The following GFOD1 variants were observed in gnomAD, a reference collection of about 807,000 sequenced individuals.
The protein encoded by GFOD1 is Gfo/Idh/MocA-like oxidoreductase domain containing 1.
In GFOD1, 9 loss-of-function variants were observed where a neutral mutation model predicts 25.4. That is an observed-to-expected ratio of 0.35 (90% CI 0.21 to 0.62). The LOEUF is 0.62. Ranked by LOEUF, GFOD1 falls within the 20% of genes least tolerant of loss-of-function variation. The pLI is 0.72. For synonymous variants in GFOD1, 253 were observed against 245.6 expected (o/e 1.03, Z -0.28); for missense variants, 403 against 556.9 (o/e 0.72, Z 2.78).
intron 1 of GFOD1, among the ~76,000 whole-genome samples, chr6:13,439,991 C>T (rs905367059): frequency 6.6e-6 from 1 of 152,134 alleles, no homozygotes; most frequent in Non-Finnish European, 1.5e-5. Context: ...GATTTGAACC[C>T]AGGCCTCTCT....
At chr6:13,445,599 A>T (rs537557523) in intron 1 of GFOD1, among the ~76,000 whole-genome samples, 1 of 152,388 alleles carries the variant, frequency 6.6e-6, no homozygotes, top group East Asian at 1.9e-4. Context: ...TCTTACAGCC[A>T]AAGAACCAGG....
intron 1 of GFOD1, among the ~76,000 whole-genome samples, chr6:13,367,127 A>C (rs1353269360): frequency 6.6e-6 from 1 of 152,066 alleles, no homozygotes; most frequent in Non-Finnish European, 1.5e-5. Flanking sequence ...TTTTTAGTAA[A>C]AGTGTATTAT....
At chr6:13,380,160 A>C (rs942969697) in intron 1 of GFOD1, among the ~76,000 whole-genome samples, 53 of 152,372 alleles carry the variant, frequency 3.5e-4, no homozygotes, top group African/African-American at 1.2e-3. Flanking sequence ...GCGTGGCAGC[A>C]CAGGGGATGG....
In GFOD1 at chr6:13,436,166, T is replaced by C. The variant is rs576693928; in HGVS notation, c.253+50472A>G. Among the ~76,000 whole-genome samples the C allele has an allele frequency of 7.2e-5, 11 of 152,364 alleles. No homozygotes were observed. The East Asian group carries it at 1.9e-3, about 27-fold the overall frequency. On this transcript the variant is annotated intron_variant, in intron 1 of 1. Transcript: ENST00000379287. Reference sequence around the variant, plus strand: ...CTCTTTTGTACCTTTGAATTTTGAATCACATGTGTGTATTACCTGAGCTAA... The same window carrying C: ...CTCTTTTGTACCTTTGAATTTTGAACCACATGTGTGTATTACCTGAGCTAA...
At position 13,364,650 on chromosome 6, in the gene GFOD1, C is replaced by T. The variant is rs930284312; in HGVS notation, c.*93G>A. The stretch of plus-strand genomic sequence containing the variant: ...ACTGTCCCTCCACCTCCCTGATCCC[C>T]ACATTCCCCATGGTCACCCTCTCCC... On this transcript the variant is annotated 3_prime_UTR_variant, in exon 2 of 2. Coordinates refer to ENST00000379287, the MANE Select transcript of GFOD1 (RefSeq NM_018988.4). This position sits in a 1 kb window ranked among gnomAD's most constrained non-coding sequence, Gnocchi z 4.1. 9.2e-6 allele frequency: 10 copies of T among 1,081,514 alleles called. No homozygotes were observed. The highest frequency in any genetic ancestry group is 1.3e-5 in the Non-Finnish European group (10 of 748,614). The allele number at this position is 1,081,514 out of a possible 1,614,324, so 67.0% of individuals were successfully genotyped here.
chr6:13,393,780 CTTTTTTT>C (rs70989854), intron 1 of GFOD1, among the ~76,000 whole-genome samples: 2 of 120,248 alleles, frequency 1.7e-5, no homozygotes, highest in Admixed American at 2.0e-4. Flanking sequence ...TTTTTCTTTT[CTTTTTTT>C]TTTTTTTTTT....
At chr6:13,375,249 A>T (rs865945284) in intron 1 of GFOD1, among the ~76,000 whole-genome samples, 11 of 152,124 alleles carry the variant, frequency 7.2e-5, no homozygotes, top group Admixed American at 5.2e-4. Flanking sequence ...CCCTTCTCTT[A>T]AGGCTGGCTA....
chr6:13,375,834 G>A (rs1375802703), intron 1 of GFOD1, among the ~76,000 whole-genome samples: 1 of 152,186 alleles, frequency 6.6e-6, no homozygotes, highest in Non-Finnish European at 1.5e-5. Flanking sequence ...TCTAATGACG[G>A]AAACTATCAC....
rs560934420 is a variant in GFOD1, at chr6:13,365,380, T to C, written c.536A>G (p.Tyr179Cys). ...GGGGLHSVGT[Y>C]IIDLLTFLTG... ...GAGGAAGGTGAGCAGGTCGATGATG[T>C]AGGTGCCCACGGAGTGCAGGCCGCC... The change falls in exon 2 of 2, where the codon TAC becomes TGC. Residue 179 changes from tyrosine to cysteine, a missense_variant. By Grantham distance (194) the Tyr-to-Cys change is radical (BLOSUM62 -2). Transcript: ENST00000379287. The surrounding 1 kb of genome is among the most constrained non-coding windows in gnomAD (Gnocchi z 9.2). The C allele has an allele frequency of 6.2e-7, 1 of 1,614,086 alleles. No homozygotes were observed. Among genetic ancestry groups the C allele is most frequent in the Admixed American group, 1.7e-5 (1 of 60,010 alleles).
At chr6:13,469,498 T>A (rs910357242) in intron 1 of GFOD1, 2 of 992,036 alleles carry the variant, frequency 2.0e-6, no homozygotes, top group African/African-American at 1.7e-5. Flanking sequence ...AAAAATGATA[T>A]GGCCTTTGTT....
intron 1 of GFOD1, among the ~76,000 whole-genome samples, chr6:13,455,900 G>A (rs1264680703): frequency 6.6e-6 from 1 of 152,174 alleles, no homozygotes; most frequent in Non-Finnish European, 1.5e-5. Context: ...GTACAGCATT[G>A]TCCAATAGAC....
chr6:13,380,080 A>G (rs1785332066), intron 1 of GFOD1, among the ~76,000 whole-genome samples: 2 of 152,248 alleles, frequency 1.3e-5, no homozygotes, highest in South Asian at 4.1e-4. Context: ...AACAGACCCA[A>G]ATAAAAACTA....
rs1198460939 is a variant in GFOD1, at chr6:13,357,839, C to A, written c.*6904G>T. The stretch of plus-strand genomic sequence containing the variant: ...AGGCAAAGAGCTGGAATTGTATTTT[C>A]TTTTAAATCTTTATTTATCCTTTTC... On this transcript the variant is annotated 3_prime_UTR_variant, in exon 2 of 2. Coordinates refer to ENST00000379287, the MANE Select transcript of GFOD1 (RefSeq NM_018988.4). 6.6e-6 allele frequency: 1 copy of A among 152,278 alleles called. No homozygotes were observed. The highest frequency in any genetic ancestry group is 1.5e-5 in the Non-Finnish European group (1 of 68,042). The allele number at this position is 152,278 out of a possible 1,614,324, so 9.4% of individuals were successfully genotyped here.
intron 1 of GFOD1, among the ~76,000 whole-genome samples, chr6:13,433,428 C>G (rs752916581): frequency 2.6e-5 from 4 of 152,186 alleles, no homozygotes; most frequent in African/African-American, 7.2e-5. Flanking sequence ...CTTTGGGTCA[C>G]TTTTTGTTGT....
At chr6:13,384,175 G>A (rs1029044250) in intron 1 of GFOD1, among the ~76,000 whole-genome samples, 1 of 152,176 alleles carries the variant, frequency 6.6e-6, no homozygotes, top group African/African-American at 2.4e-5. Flanking sequence ...GCAGTGAGCC[G>A]AGATCACGCC....
rs567576233 is a variant in GFOD1 at position 13,415,930 on chromosome 6, G to A, written c.254-50268C>T. On this transcript the variant is annotated intron_variant, in intron 1 of 1. Transcript: ENST00000379287. ...AGACAAACGTGGTCCCATCCCTCGA[G>A]GAATTTAGGGTCTAGTTGGGGAGTG... Among the ~76,000 whole-genome samples the A allele has an allele frequency of 2.0e-5, 3 of 152,288 alleles. No homozygotes were observed. The East Asian group carries it at 5.8e-4, about 29-fold the overall frequency.
intron 1 of GFOD1, among the ~76,000 whole-genome samples, chr6:13,399,472 G>A (rs1156887336): frequency 6.6e-6 from 1 of 152,138 alleles, no homozygotes; most frequent in Non-Finnish European, 1.5e-5. Context: ...AACTGGCAAT[G>A]ACTCAACATC....
chr6:13,428,722 C>T (rs904893796), intron 1 of GFOD1, among the ~76,000 whole-genome samples: 1 of 152,146 alleles, frequency 6.6e-6, no homozygotes, highest in African/African-American at 2.4e-5. Flanking sequence ...GGCAGGAGTA[C>T]TGCTTTTGAT....
At position 13,430,208 on chromosome 6, in the gene GFOD1, G is replaced by A. The variant is rs966186338; in HGVS notation, c.253+56430C>T. On this transcript the variant is annotated intron_variant, in intron 1 of 1. Coordinates refer to ENST00000379287, the MANE Select transcript of GFOD1 (RefSeq NM_018988.4). The surrounding 1 kb of genome is among the most constrained non-coding windows in gnomAD (Gnocchi z 4.1). ...CCCCAGCACTTTGGGAAGCAGAGGC[G>A]GGTGGATGACTTGAGGCCAGGAGTT... 3.3e-5 allele frequency among the ~76,000 whole-genome samples: 5 copies of A among 152,282 alleles called. No homozygotes were observed. Among genetic ancestry groups the A allele is most frequent in the Admixed American group, 1.3e-4 (2 of 15,296 alleles).
Sources: allele counts gnomAD v4.1 joint callset (sites outside exome capture counted in the v4.1 genomes callset), GRCh38; gene constraint gnomAD v4.1.1; non-coding constraint Gnocchi (gnomAD v3.1); transcripts MANE v1.5; gene names NCBI Gene and HGNC (gene_info 2026-07-23, HGNC 2026-07-21).